JARID2: variants seen among roughly 807,000 people sequenced by gnomAD.
JARID2 encodes the protein jumonji and AT-rich interaction domain containing 2.
A neutral mutation model predicts 125.6 loss-of-function variants in JARID2; 21 were observed. That is an observed-to-expected ratio of 0.17 (90% CI 0.12 to 0.24). The LOEUF is 0.24. Among genes scored for constraint, JARID2 ranks in the 10% least tolerant of loss-of-function variants. The probability of loss-of-function intolerance (pLI) is 1.00; values close to 1 mark genes in which losing one functional copy is unlikely to be tolerated. For synonymous variants in JARID2, 736 were observed against 661.6 expected (o/e 1.11, Z -1.73); for missense variants, 1,303 against 1,639.6 (o/e 0.79, Z 3.55).
At chr6:15,465,562 CAT>C (rs1262895559) in intron 4 of JARID2, among the ~76,000 whole-genome samples, 1 of 152,214 alleles carries the variant, frequency 6.6e-6, no homozygotes. Context: ...CTCACCCTAA[CAT>C]AAACTCAATC....
intron 1 of JARID2, among the ~76,000 whole-genome samples, chr6:15,320,790 G>C (rs1037139256): frequency 6.6e-6 from 1 of 151,970 alleles, no homozygotes; most frequent in African/African-American, 2.4e-5. Context: ...GTAAATTAGA[G>C]ACCAATCTAT....
intron 5 of JARID2, among the ~76,000 whole-genome samples, chr6:15,482,462 G>A (rs1320881830): frequency 6.6e-6 from 1 of 152,142 alleles, no homozygotes; most frequent in East Asian, 1.9e-4. Context: ...AACCAGTTAC[G>A]TGTTAAACAC....
At chr6:15,296,540 A>G (rs1761422267) in intron 1 of JARID2, among the ~76,000 whole-genome samples, 2 of 152,136 alleles carry the variant, frequency 1.3e-5, no homozygotes, top group South Asian at 2.1e-4. Context: ...ATCCCTCCCC[A>G]TCATCCTCCC....
At chr6:15,300,716 TGTGTGTGA>T (rs1428542123) in intron 1 of JARID2, among the ~76,000 whole-genome samples, 286 of 139,606 alleles carry the variant, frequency 2.0e-3, no homozygotes, top group Non-Finnish European at 2.2e-3. Flanking sequence ...TGTGTGTGTG[TGTGTGTGA>T]GAGAGAGAGA....
chr6:15,457,455 C>A (rs1403143353), intron 4 of JARID2, among the ~76,000 whole-genome samples: 2 of 152,154 alleles, frequency 1.3e-5, no homozygotes, highest in Non-Finnish European at 2.9e-5. Context: ...AGCCCATCAC[C>A]CTTGGGTGAC....
rs562931371 is a variant in JARID2 at position 15,381,076 on chromosome 6, G to C, written c.181+6824G>C. ...TTCTGAAGACAGTGGCTTATGGGCC[G>C]GGCGCGGTGGCTCACACCTGTAATC... On this transcript the variant is annotated intron_variant, in intron 2 of 17. Coordinates refer to ENST00000341776, the MANE Select transcript of JARID2 (RefSeq NM_004973.4). 5.9e-5 allele frequency among the ~76,000 whole-genome samples: 9 copies of C among 151,774 alleles called. 1 individual carries two copies. The highest frequency in any genetic ancestry group is 2.2e-4 in the African/African-American group (9 of 41,426).
chr6:15,287,385 C>G (rs1478479880), intron 1 of JARID2, among the ~76,000 whole-genome samples: 1 of 152,060 alleles, frequency 6.6e-6, no homozygotes, highest in East Asian at 1.9e-4. Flanking sequence ...TTTCTTTGTC[C>G]TTTGTTGAAT....
chr6:15,400,214 G>A (rs530785039), intron 2 of JARID2, among the ~76,000 whole-genome samples: 2 of 152,146 alleles, frequency 1.3e-5, no homozygotes, highest in African/African-American at 4.8e-5. Flanking sequence ...GTGCCCCTCT[G>A]TTGTTGGTGG....
chr6:15,300,348 C>T (rs556942737), intron 1 of JARID2, among the ~76,000 whole-genome samples: 5 of 152,132 alleles, frequency 3.3e-5, no homozygotes, highest in Admixed American at 1.3e-4. Context: ...AGGAGGGAAG[C>T]GGAGAAGGGC....
intron 1 of JARID2, chr6:15,247,610 G>A: frequency 1.0e-6 from 1 of 984,976 alleles, no homozygotes; most frequent in South Asian, 4.7e-5. Context: ...ATTTAAGTTG[G>A]GTAGACAAAT....
chr6:15,301,710 A>G (rs1173837106), intron 1 of JARID2, among the ~76,000 whole-genome samples: 3 of 152,232 alleles, frequency 2.0e-5, no homozygotes, highest in Admixed American at 6.5e-5. Flanking sequence ...GTTGTCTTGT[A>G]TATTTGAAAC....
intron 3 of JARID2, among the ~76,000 whole-genome samples, chr6:15,427,506 A>G (rs928492978): frequency 1.3e-5 from 2 of 152,048 alleles, no homozygotes; most frequent in Admixed American, 6.6e-5. Flanking sequence ...ATTATGGTCT[A>G]GTATGCTTTG....
intron 8 of JARID2, among the ~76,000 whole-genome samples, chr6:15,502,120 G>A (rs1235431533): frequency 6.6e-6 from 1 of 152,252 alleles, no homozygotes; most frequent in East Asian, 1.9e-4. Flanking sequence ...CCAGCAAACT[G>A]AAACATGCAG....
intron 1 of JARID2, among the ~76,000 whole-genome samples, chr6:15,278,001 A>C (rs1227604227): frequency 2.0e-5 from 3 of 152,050 alleles, no homozygotes; most frequent in Non-Finnish European, 2.9e-5. Flanking sequence ...TAATCCCAGC[A>C]CTTTGGGAGG....
At chr6:15,516,530 C>T (rs1220414068) in intron 16 of JARID2, among the ~76,000 whole-genome samples, 6 of 152,186 alleles carry the variant, frequency 3.9e-5, no homozygotes, top group Admixed American at 1.3e-4. Context: ...CCAAGGGGGC[C>T]GGGGCTGGTG....
chr6:15,512,854 G>T, intron 14 of JARID2, 61 bp from the exon 15 acceptor site: 23 of 1,535,242 alleles, frequency 1.5e-5, no homozygotes, highest in Non-Finnish European at 2.0e-5. Flanking sequence ...CCACCAAGAA[G>T]AACCTTGACA....
At chr6:15,503,520 C>T (rs938828129) in intron 8 of JARID2, among the ~76,000 whole-genome samples, 3 of 152,134 alleles carry the variant, frequency 2.0e-5, no homozygotes, top group Admixed American at 6.5e-5. Flanking sequence ...GCAGGGAAGC[C>T]TTCCCTGACC....
chr6:15,413,000 G>GTTTTTTTTTT (rs1561845196), intron 3 of JARID2, among the ~76,000 whole-genome samples: 6 of 65,028 alleles, frequency 9.2e-5, no homozygotes, highest in African/African-American at 3.6e-4. Flanking sequence ...GGAAGAGCTT[G>GTTTTTTTTTT]TGTTTTTGTT....
chr6:15,447,777 G>GTGCA (rs1357339410), intron 3 of JARID2, among the ~76,000 whole-genome samples: 8 of 152,254 alleles, frequency 5.3e-5, no homozygotes. Flanking sequence ...CACAGGCTGG[G>GTGCA]TGCAGCCTCA....
Sources: gnomAD v4.1 joint callset for allele counts (sites outside exome capture counted in the v4.1 genomes callset) on GRCh38, gnomAD v4.1.1 for gene constraint, MANE v1.5 for transcripts, NCBI Gene and HGNC (gene_info 2026-07-23, HGNC 2026-07-21) for gene names.